The following GPHN variants were observed in gnomAD, a reference collection of about 807,000 sequenced individuals.
GPHN encodes gephyrin.
GPHN carries 17 observed loss-of-function variants against 95.5 expected under a neutral mutation model. The ratio of observed to expected loss-of-function variants is 0.18; its 90% CI spans 0.12 to 0.27. GPHN has a LOEUF of 0.27. Among genes scored for constraint, GPHN ranks in the 10% least tolerant of loss-of-function variants. The probability of loss-of-function intolerance (pLI) is 1.00; values close to 1 mark genes in which losing one functional copy is unlikely to be tolerated. For synonymous variants in GPHN, 320 were observed against 322.5 expected, an observed-to-expected ratio of 0.99 and a Z score of 0.08; for missense variants, 660 against 978.1, an observed-to-expected ratio of 0.67 and a Z score of 4.34.
the GPHN span, among the ~76,000 whole-genome samples, chr14:67,696,696 C>A: frequency 6.6e-6 from 1 of 152,164 alleles, no homozygotes; most frequent in Non-Finnish European, 1.5e-5. Context: ...TGAATATGTT[C>A]TCTGTGAATA....
At chr14:67,319,314 A>G in the GPHN span, among the ~76,000 whole-genome samples, 6 of 152,090 alleles carry the variant, frequency 3.9e-5, no homozygotes, top group African/African-American at 1.4e-4. Flanking sequence ...GCTACTAGTT[A>G]TCTGCTTTTG....
intron 10 of GPHN, among the ~76,000 whole-genome samples, chr14:67,036,385 C>A (rs537568837): frequency 5.3e-5 from 8 of 150,398 alleles, no homozygotes; most frequent in Non-Finnish European, 1.2e-4. Context: ...AGCAGCTAGG[C>A]AATGAAAAGA....
chr14:66,536,254 T>C (rs1392458983), intron 1 of GPHN, among the ~76,000 whole-genome samples: 7 of 152,204 alleles, frequency 4.6e-5, no homozygotes, highest in African/African-American at 7.2e-5. Flanking sequence ...CCCAGTCTGA[T>C]AGTTTTCTAA....
intron 2 of GPHN, among the ~76,000 whole-genome samples, chr14:66,749,595 T>G (rs185132739): frequency 6.6e-6 from 1 of 151,994 alleles, no homozygotes; most frequent in Non-Finnish European, 1.5e-5. Flanking sequence ...TGATGATATA[T>G]GATGTGGAGT....
chr14:66,713,287 A>C (rs2069843093), intron 2 of GPHN, among the ~76,000 whole-genome samples: 1 of 152,172 alleles, frequency 6.6e-6, no homozygotes, highest in Admixed American at 6.5e-5. Flanking sequence ...TTAAGTCCAT[A>C]ATCCATGTTG....
chr14:66,922,857 A>G lies in GPHN; in HGVS notation c.648A>G (p.Glu216=). The G allele has an allele frequency of 6.2e-7, 1 of 1,613,558 alleles. No homozygotes were observed. Among genetic ancestry groups the G allele is most frequent in the South Asian group, 1.1e-5 (1 of 91,070 alleles). Residue 216 remains glutamate (E), a synonymous_variant, in exon 7 of 23, where the codon GAA becomes GAG. Transcript: ENST00000478722. ...AAGGAGTTCAATGTGAGGAAGAGGA[A>G]GAAGAGAAGAAAGACAGTGGTGTTG... ...EDKGVQCEEE[E]EEKKDSGVAS...
chr14:66,514,739 C>G (rs2058172707), intron 1 of GPHN, among the ~76,000 whole-genome samples: 1 of 152,016 alleles, frequency 6.6e-6, no homozygotes. Context: ...AGCAATCTTA[C>G]ACTTAGGTTT....
intron 9 of GPHN, 30 bp downstream of exon 9, chr14:66,965,355 T>A: frequency 6.2e-7 from 1 of 1,601,138 alleles, no homozygotes; most frequent in Non-Finnish European, 8.6e-7. Flanking sequence ...ATCTTACACC[T>A]GCTCTTCTAT....
the GPHN span, chr14:67,203,010 C>A: frequency 7.3e-7 from 1 of 1,375,442 alleles, no homozygotes; most frequent in Non-Finnish European, 9.9e-7. Context: ...TATTTCCTAC[C>A]CTCTCTTACA....
At chr14:67,655,226 G>A in the GPHN span, among the ~76,000 whole-genome samples, 1 of 151,506 alleles carries the variant, frequency 6.6e-6, no homozygotes, top group Admixed American at 6.6e-5. Flanking sequence ...CTGTATCGCA[G>A]CTACACATGA....
intron 11 of GPHN, among the ~76,000 whole-genome samples, chr14:67,064,207 T>G (rs554334985): frequency 1.3e-5 from 2 of 152,318 alleles, no homozygotes; most frequent in African/African-American, 4.8e-5. Flanking sequence ...GTTTTTGTCA[T>G]TGGTTTGGTT....
intron 18 of GPHN, among the ~76,000 whole-genome samples, chr14:67,144,540 C>T (rs2153706238): frequency 1.3e-5 from 2 of 151,814 alleles, no homozygotes; most frequent in East Asian, 1.9e-4. Flanking sequence ...GCTGATAATC[C>T]TTTTCCATGT....
chr14:67,256,797 G>GACACACACACACACACACACACAC, the GPHN span, among the ~76,000 whole-genome samples: 180 of 147,786 alleles, frequency 1.2e-3, no homozygotes, highest in Middle Eastern at 3.5e-3. Flanking sequence ...AGAAACTATT[G>GACACACACACACACACACACACAC]ACACACACAC....
chr14:66,675,990 G>C (rs1419080517), intron 1 of GPHN, among the ~76,000 whole-genome samples: 1 of 151,796 alleles, frequency 6.6e-6, no homozygotes, highest in African/African-American at 2.4e-5. Context: ...AATTTGTTTA[G>C]AAGTTCAAAG....
At chr14:67,387,254 A>T in the GPHN span, 1 of 1,444,052 alleles carries the variant, frequency 6.9e-7, no homozygotes, top group East Asian at 2.4e-5. Flanking sequence ...AAAAGTCTTA[A>T]CACTCCCATT....
the GPHN span, chr14:67,323,634 A>G: frequency 7.2e-6 from 3 of 418,472 alleles, no homozygotes; most frequent in Non-Finnish European, 1.2e-5. Flanking sequence ...ATATATATAT[A>G]TATCAGTATT....
At chr14:67,108,132 T>A (rs2078152917) in intron 13 of GPHN, among the ~76,000 whole-genome samples, 1 of 152,166 alleles carries the variant, frequency 6.6e-6, no homozygotes, top group Non-Finnish European at 1.5e-5. Context: ...ACAGTGAGAT[T>A]TCCTTACCAC....
chr14:66,568,806 T>C (rs1417506632), intron 1 of GPHN, among the ~76,000 whole-genome samples: 2 of 152,046 alleles, frequency 1.3e-5, no homozygotes, highest in Non-Finnish European at 2.9e-5. Flanking sequence ...GCATTTCAAA[T>C]AGATTAAATA....
At chr14:67,419,678 G>A in the GPHN span, among the ~76,000 whole-genome samples, 2 of 152,096 alleles carry the variant, frequency 1.3e-5, no homozygotes, top group South Asian at 2.1e-4. Context: ...GTGAAACCCC[G>A]TCTCTACTAA....
Sources: allele counts gnomAD v4.1 joint callset (sites outside exome capture counted in the v4.1 genomes callset), GRCh38; gene constraint gnomAD v4.1.1; transcripts MANE v1.5; gene names NCBI Gene and HGNC (gene_info 2026-07-23, HGNC 2026-07-21).